Variants in TRAPPC11 observed in about 807,000 individuals in gnomAD.
The protein encoded by TRAPPC11 is foie gras homolog.
TRAPPC11 carries 104 observed loss-of-function variants against 151.2 expected under a neutral mutation model. That is an observed-to-expected ratio of 0.69 (90% CI 0.59 to 0.81). The LOEUF is 0.81. TRAPPC11 is among the 30% of genes least tolerant of loss of function. The pLI is 0.00. For synonymous variants in TRAPPC11, 456 were observed against 472.3 expected, an observed-to-expected ratio of 0.97 and a Z score of 0.45; for missense variants, 1,230 against 1,349.6, an observed-to-expected ratio of 0.91 and a Z score of 1.39.
chr4:183,697,600 T>C, intron 24 of TRAPPC11, 32 bp downstream of exon 24: 1 of 1,594,858 alleles, frequency 6.3e-7, no homozygotes, highest in Non-Finnish European at 8.5e-7. Context: ...TAGAAATCAT[T>C]TAGGTTATAA....
At chr4:183,673,710 A>C (rs1337881043) in intron 5 of TRAPPC11, among the ~76,000 whole-genome samples, 1 of 152,208 alleles carries the variant, frequency 6.6e-6, no homozygotes, top group Admixed American at 6.5e-5. Context: ...AATGAAATGA[A>C]ATGAAATGAA....
chr4:183,691,157 G>T (rs982929133), intron 18 of TRAPPC11, among the ~76,000 whole-genome samples, 159 bp from the exon 19 acceptor site: 2 of 152,176 alleles, frequency 1.3e-5, no homozygotes, highest in African/African-American at 4.8e-5. Context: ...GCAGTAAGTG[G>T]ATAAATGCCT....
At chr4:183,686,370 C>A (rs915305724) in intron 17 of TRAPPC11, among the ~76,000 whole-genome samples, 3 of 152,190 alleles carry the variant, frequency 2.0e-5, no homozygotes, top group Admixed American at 2.0e-4. Flanking sequence ...CTCCTGACCT[C>A]AAGTGATCCG....
chr4:183,707,846 C>T (rs931790862), intron 28 of TRAPPC11, among the ~76,000 whole-genome samples: 1 of 151,918 alleles, frequency 6.6e-6, no homozygotes, highest in Non-Finnish European at 1.5e-5. Context: ...TTACATAAAT[C>T]GTAGGAAATA....
At position 183,701,688 on chromosome 4, in the gene TRAPPC11, T is replaced by C; in HGVS notation, c.2852-9T>C. ...ATTGCATAAGGAATATAAAGACTTT[T>C]CCCTGTAGTTATCTTACAGACTGGA... is the stretch of plus-strand genomic sequence containing the variant. On this transcript the variant is annotated splice_polypyrimidine_tract_variant and intron_variant, in intron 25 of 29. Transcript: ENST00000334690. 1 of 1,588,930 alleles carries C rather than the reference T, an allele frequency of 6.3e-7. No homozygotes were observed. Among genetic ancestry groups the C allele is most frequent in the South Asian group, 1.1e-5 (1 of 90,614 alleles).
rs891880880 is a variant in TRAPPC11 at position 183,667,984 on chromosome 4, T to C, written c.446-19T>C. ...TAGTTATTTTATTTCTCATTCATCT[T>C]GATGGGGATTATCAACAGGAGAAGA... is the stretch of plus-strand genomic sequence containing the variant. On this transcript the variant is annotated intron_variant, in intron 4 of 29. Coordinates refer to ENST00000334690, the MANE Select transcript of TRAPPC11 (RefSeq NM_021942.6). The C allele has an allele frequency of 7.2e-7, 1 of 1,393,368 alleles. No individual in the cohort carries two copies. The allele number at this position is 1,393,368 out of a possible 1,614,324, so 86.3% of individuals were successfully genotyped here.
intron 2 of TRAPPC11, among the ~76,000 whole-genome samples, chr4:183,665,182 C>T (rs568392966): frequency 9.8e-4 from 147 of 150,740 alleles, no homozygotes; most frequent in African/African-American, 3.3e-3. Flanking sequence ...GCAAGCTCCG[C>T]CTCCTGGGTT....
intron 5 of TRAPPC11, among the ~76,000 whole-genome samples, chr4:183,673,978 C>G (rs2111328096): frequency 6.6e-6 from 1 of 152,178 alleles, no homozygotes; most frequent in East Asian, 1.9e-4. Context: ...TGGTTCTTTC[C>G]CCATTAGTTT....
Position 183,712,686 on chromosome 4 carries a change from G to A in TRAPPC11, c.*42G>A. On this transcript the variant is annotated 3_prime_UTR_variant, in exon 30 of 30. Transcript: ENST00000334690. Reference sequence around the variant, plus strand: ...TTGGCTGTTGTTACAGAGATGTTGGGCAGAGCTATGCAGGTGTTTCATTGT... The same window carrying A: ...TTGGCTGTTGTTACAGAGATGTTGGACAGAGCTATGCAGGTGTTTCATTGT... The A allele has an allele frequency of 1.3e-6, 2 of 1,590,912 alleles. No homozygotes were observed. The highest frequency in any genetic ancestry group is 1.7e-6 in the Non-Finnish European group (2 of 1,159,702).
At chr4:183,660,794 A>G (rs1365638000) in intron 1 of TRAPPC11, among the ~76,000 whole-genome samples, 1 of 152,110 alleles carries the variant, frequency 6.6e-6, no homozygotes, top group Non-Finnish European at 1.5e-5. Context: ...GCTCACTGAA[A>G]TCTCCGCCTC....
Position 183,708,024 on chromosome 4 carries a change from A to C in TRAPPC11, c.3190-383A>C, listed in dbSNP as rs367688439. Among the ~76,000 whole-genome samples, 314 of 152,342 alleles carry C rather than the reference A, an allele frequency of 2.1e-3. 1 individual carries two copies. The highest frequency in any genetic ancestry group is 7.1e-3 in the African/African-American group (297 of 41,578). On this transcript the variant is annotated intron_variant, in intron 28 of 29. Transcript: ENST00000334690. ...AAAGAACTAATTTGGTATTGACATA[A>C]TGTCTACAAGTAGATACTCTTTTTA... is the stretch of plus-strand genomic sequence containing the variant.
chr4:183,702,340 T>C (rs951063509), intron 26 of TRAPPC11, among the ~76,000 whole-genome samples: 1 of 144,316 alleles, frequency 6.9e-6, no homozygotes, highest in Non-Finnish European at 1.5e-5. Flanking sequence ...CGAGACCCTG[T>C]TTAAAAAAAA....
In TRAPPC11 at chr4:183,697,547, G is replaced by C. The variant is rs531748969; in HGVS notation, c.2673G>C (p.Ala891=). The change falls in exon 24 of 30, where the codon GCG becomes GCC. Residue 891 remains alanine (A), a synonymous_variant. Coordinates refer to ENST00000334690, the MANE Select transcript of TRAPPC11 (RefSeq NM_021942.6). Reference sequence around the variant, plus strand: ...AAACAGTCTTTCCATTTGATGTTGCGGTTAAATTTGTTTCTACCAAGGTAT... The same window carrying C: ...AAACAGTCTTTCCATTTGATGTTGCCGTTAAATTTGTTTCTACCAAGGTAT... ...TIETVFPFDV[A]VKFVSTKFEH... 6.9e-6 allele frequency: 11 copies of C among 1,603,410 alleles called. No homozygotes were observed. The highest frequency in any genetic ancestry group is 7.6e-6 in the Non-Finnish European group (9 of 1,177,810).
At chr4:183,692,627 C>A (rs1736309727) in intron 19 of TRAPPC11, among the ~76,000 whole-genome samples, 1 of 152,124 alleles carries the variant, frequency 6.6e-6, no homozygotes, top group Non-Finnish European at 1.5e-5. Context: ...CATCACAATA[C>A]TTATTTCATT....
Position 183,686,697 on chromosome 4 carries a change from T to A in TRAPPC11, c.1842T>A (p.Asp614Glu). 1 of 1,614,182 alleles carries A rather than the reference T, an allele frequency of 6.2e-7. No homozygotes were observed. The highest frequency in any genetic ancestry group is 8.5e-7 in the Non-Finnish European group (1 of 1,180,004). Residue 614 changes from aspartate to glutamate, a missense_variant, in exon 18 of 30, where the codon GAT (aspartate) becomes GAA (glutamate). Asp to Glu is a conservative substitution (Grantham distance 45). Coordinates refer to ENST00000334690, the MANE Select transcript of TRAPPC11 (RefSeq NM_021942.6). ...PVQFDIYLKA[D>E]CPHPIRFSKL... The stretch of plus-strand genomic sequence containing the variant: ...AGTTTGATATTTATCTGAAGGCTGA[T>A]TGTCCACATCCCATTAGGTTTTCCA...
At chr4:183,689,360 G>A (rs550919315) in intron 18 of TRAPPC11, among the ~76,000 whole-genome samples, 2 of 151,898 alleles carry the variant, frequency 1.3e-5, no homozygotes, top group East Asian at 2.0e-4. Flanking sequence ...CCTCCTCTCC[G>A]ACTACTTCAT....
At chr4:183,664,988 C>T (rs188726999) in intron 2 of TRAPPC11, among the ~76,000 whole-genome samples, 2 of 151,606 alleles carry the variant, frequency 1.3e-5, no homozygotes, top group East Asian at 1.9e-4. Context: ...GAGAACCACA[C>T]GACAACATTT....
At chr4:183,684,089 A>G (rs200175809) in intron 12 of TRAPPC11, 35 bp downstream of exon 12, 34 of 1,607,080 alleles carry the variant, frequency 2.1e-5, no homozygotes, top group East Asian at 1.6e-4. Flanking sequence ...TATTTTTTAC[A>G]CTATTTAAGA....
Position 183,675,154 on chromosome 4 carries a change from C to A in TRAPPC11, c.661-10C>A. The A allele has an allele frequency of 6.9e-7, 1 of 1,448,542 alleles. No homozygotes were observed. Among genetic ancestry groups the A allele is most frequent in the South Asian group, 1.5e-5 (1 of 65,482 alleles). 89.7% of individuals were successfully genotyped at this position (1,448,542 alleles called of 1,614,324 possible). A position where few individuals can be genotyped will look rare whatever the true frequency, so the allele number is the denominator to read the frequency against. On this transcript the variant is annotated splice_polypyrimidine_tract_variant and intron_variant, in intron 6 of 29. Coordinates refer to ENST00000334690, the MANE Select transcript of TRAPPC11 (RefSeq NM_021942.6). ...ATATGTATAATAGTAATTTTTTTGT[C>A]TCTTTTTAGCTTTTATTTGTTAGGC...
Sources: allele counts gnomAD v4.1 joint callset (sites outside exome capture counted in the v4.1 genomes callset), GRCh38; gene constraint gnomAD v4.1.1; transcripts MANE v1.5; gene names NCBI Gene and HGNC (gene_info 2026-07-23, HGNC 2026-07-21).